Variants in FBXW10B observed in about 807,000 individuals in gnomAD.
The protein encoded by FBXW10B is F-box and WD repeat domain containing protein 10B.
At chr17:15,593,454 C>T in the FBXW10B span, 1 of 1,614,032 alleles carries the variant, frequency 6.2e-7, no homozygotes, top group Non-Finnish European at 8.5e-7. Context: ...TGCACAGGCG[C>T]TGATGACCCG....
the FBXW10B span, among the ~76,000 whole-genome samples, chr17:15,608,147 A>G: frequency 6.9e-6 from 1 of 145,804 alleles, no homozygotes; most frequent in African/African-American, 2.6e-5. Context: ...TACACATGCT[A>G]TGCTATGCAT....
At chr17:15,572,384 T>C in the FBXW10B span, 1 of 152,356 alleles carries the variant, frequency 6.6e-6, no homozygotes, top group African/African-American at 2.4e-5. Context: ...AGAAAACGAC[T>C]GTTCTTATAA....
the FBXW10B span, among the ~76,000 whole-genome samples, chr17:15,595,308 C>G: frequency 6.6e-6 from 1 of 151,704 alleles, no homozygotes; most frequent in Non-Finnish European, 1.5e-5. Context: ...CCACTGTGCT[C>G]CAGCCTGGTG....
the FBXW10B span, among the ~76,000 whole-genome samples, chr17:15,583,141 G>A: frequency 7.5e-5 from 11 of 145,862 alleles, no homozygotes; most frequent in East Asian, 6.1e-4. Flanking sequence ...TTGCCCAGAG[G>A]TCTCTGTATG....
chr17:15,588,720 T>A, the FBXW10B span: 12 of 719,796 alleles, frequency 1.7e-5, no homozygotes, highest in African/African-American at 2.1e-4. Flanking sequence ...ATTCCCCATA[T>A]CCAGGAATCA....
chr17:15,618,701 CA>C, the FBXW10B span, among the ~76,000 whole-genome samples: 1 of 152,172 alleles, frequency 6.6e-6, no homozygotes, highest in African/African-American at 2.4e-5. Flanking sequence ...ATTAAGGGGT[CA>C]GGGGCAGGGA....
chr17:15,571,969 G>GA, the FBXW10B span: 1 of 151,960 alleles, frequency 6.6e-6, no homozygotes, highest in African/African-American at 2.4e-5. Flanking sequence ...AACGGCGGTG[G>GA]GGGGAGGGGT....
At chr17:15,569,118 G>A in the FBXW10B span, 3 of 636,472 alleles carry the variant, frequency 4.7e-6, no homozygotes, top group South Asian at 8.1e-5. Context: ...GTATCTTTTT[G>A]ATTAATGTTG....
chr17:15,607,606 A>G, the FBXW10B span: 1 of 1,613,856 alleles, frequency 6.2e-7, no homozygotes, highest in African/African-American at 1.3e-5. Flanking sequence ...TGTAGGTCCC[A>G]CAGAAAACAT....
the FBXW10B span, among the ~76,000 whole-genome samples, chr17:15,583,550 G>C: frequency 6.7e-6 from 1 of 148,988 alleles, no homozygotes; most frequent in South Asian, 2.3e-4. Context: ...TGCGGTATTA[G>C]GCTATTTGCA....
the FBXW10B span, among the ~76,000 whole-genome samples, chr17:15,599,985 G>C: frequency 6.6e-6 from 1 of 151,900 alleles, no homozygotes; most frequent in Non-Finnish European, 1.5e-5. Flanking sequence ...GGGAGGCTGA[G>C]GCAAGCAGAT....
At chr17:15,607,763 G>T in the FBXW10B span, 7 of 1,316,464 alleles carry the variant, frequency 5.3e-6, no homozygotes, top group South Asian at 7.9e-5. Flanking sequence ...GGTCTCCCTG[G>T]TAAGGGCACA....
At chr17:15,588,022 C>T in the FBXW10B span, among the ~76,000 whole-genome samples, 49 of 152,188 alleles carry the variant, frequency 3.2e-4, no homozygotes, top group Non-Finnish European at 2.9e-5. Context: ...TTTATCTAGA[C>T]TCTCAAAAAG....
At chr17:15,605,532 A>C in the FBXW10B span, 1 of 1,402,838 alleles carries the variant, frequency 7.1e-7, no homozygotes, top group South Asian at 1.5e-5. Flanking sequence ...AGGAAAATCC[A>C]GGGCCTTTCA....
At chr17:15,615,597 G>A in the FBXW10B span, 14 of 1,609,966 alleles carry the variant, frequency 8.7e-6, no homozygotes, top group African/African-American at 1.7e-4. Context: ...ACAGGCGTGA[G>A]CCACCGCACC....
the FBXW10B span, among the ~76,000 whole-genome samples, chr17:15,584,251 A>C: frequency 1.3e-5 from 2 of 152,256 alleles, no homozygotes; most frequent in South Asian, 4.1e-4. Flanking sequence ...TATCCAAAGA[A>C]TAAGCCACTG....
the FBXW10B span, among the ~76,000 whole-genome samples, chr17:15,569,455 CTTTTTTT>C: frequency 1.0e-4 from 6 of 59,192 alleles, no homozygotes; most frequent in South Asian, 6.3e-4. Context: ...TTTTCTTTTT[CTTTTTTT>C]TTTTTTTTTT....
At chr17:15,618,878 A>T in the FBXW10B span, 1 of 1,497,548 alleles carries the variant, frequency 6.7e-7, no homozygotes, top group Admixed American at 2.5e-5. Context: ...TCAGTTCAAA[A>T]AACCTATGCT....
chr17:15,574,070 T>G, the FBXW10B span: 5 of 698,730 alleles, frequency 7.2e-6, no homozygotes, highest in South Asian at 4.5e-5. Flanking sequence ...ATGTCTCGTC[T>G]TCTTCATCTG....
Sources: gnomAD v4.1 joint callset for allele counts (sites outside exome capture counted in the v4.1 genomes callset) on GRCh38, gnomAD v4.1.1 for gene constraint, MANE v1.5 for transcripts, NCBI Gene and HGNC (gene_info 2026-07-23, HGNC 2026-07-21) for gene names.